AP2A2: variants seen among roughly 807,000 people sequenced by gnomAD.
AP2A2 encodes the protein AP-2 complex subunit alpha-2.
A neutral mutation model predicts 104.2 loss-of-function variants in AP2A2; 32 were observed. That is an observed-to-expected ratio of 0.31 (90% confidence interval 0.23 to 0.41). The LOEUF is 0.41. Among genes scored for constraint, AP2A2 ranks in the 10% least tolerant of loss-of-function variants. The probability of loss-of-function intolerance (pLI) is 1.00; values close to 1 mark genes in which losing one functional copy is unlikely to be tolerated. For synonymous variants in AP2A2, 539 were observed against 533.3 expected, an observed-to-expected ratio of 1.01 and a Z score of -0.15; for missense variants, 912 against 1,261.0, an observed-to-expected ratio of 0.72 and a Z score of 4.19.
In AP2A2 at chr11:1,009,227, T is replaced by G; in HGVS notation, c.2537+11T>G. The G allele has an allele frequency of 6.2e-7, 1 of 1,612,398 alleles. No homozygotes were observed. The highest frequency in any genetic ancestry group is 8.5e-7 in the Non-Finnish European group (1 of 1,178,638). ...GAAGCAGTTGAGCAAGTGAGAAACC[T>G]GTTTCCTGTAGGGGTCAGGGGTGGG... On this transcript the variant is annotated intron_variant, in intron 19 of 21. Transcript: ENST00000448903.
chr11:949,345 A>G (rs1049818198), intron 1 of AP2A2, among the ~76,000 whole-genome samples: 14 of 152,290 alleles, frequency 9.2e-5, no homozygotes, highest in South Asian at 2.1e-4. Flanking sequence ...AACTCATTCT[A>G]TAAGGCCAGT....
intron 1 of AP2A2, among the ~76,000 whole-genome samples, chr11:930,932 C>G (rs1190139611): frequency 6.6e-6 from 1 of 152,158 alleles, no homozygotes; most frequent in Non-Finnish European, 1.5e-5. Context: ...GATCGACATG[C>G]ACGTGTGTGT....
At chr11:926,153 G>GAGGCC in intron 1 of AP2A2, 65 bp downstream of exon 1, 1 of 1,129,876 alleles carries the variant, frequency 8.9e-7, no homozygotes, top group Non-Finnish European at 1.1e-6. Flanking sequence ...TCTGGGAGCG[G>GAGGCC]AGGCCCGGGG....
intron 4 of AP2A2, among the ~76,000 whole-genome samples, chr11:976,687 T>TG (rs1220874026): frequency 2.1e-5 from 3 of 145,246 alleles, no homozygotes; most frequent in Admixed American, 6.8e-5. Context: ...TGGGGCGTGG[T>TG]GGGGTGAGGG....
At chr11:998,671 G>T (rs966899893) in intron 14 of AP2A2, among the ~76,000 whole-genome samples, 1 of 152,026 alleles carries the variant, frequency 6.6e-6, no homozygotes, top group Admixed American at 6.6e-5. Flanking sequence ...TCTCCAGAAC[G>T]CTCTTAGCTG....
In AP2A2 at chr11:1,009,177, C is replaced by T. The variant is rs781145308; in HGVS notation, c.2498C>T (p.Ala833Val). The stretch of plus-strand genomic sequence containing the variant: ...AAATTCTTCCAGCCGACAGAAATGG[C>T]TTCTCAGGATTTCTTTCAACGTTGG... ...LNKFFQPTEM[A>V]SQDFFQRWKQ... Residue 833 changes from alanine to valine, a missense_variant, in exon 19 of 22, where the codon GCT becomes GTT. By Grantham distance (64) the Ala-to-Val change is moderately conservative (BLOSUM62 0). Around this residue, in one of 7 missense-constraint regions of AP2A2, gnomAD observed 239 missense variants for 329.8 expected, o/e 0.72. Coordinates refer to ENST00000448903, the MANE Select transcript of AP2A2 (RefSeq NM_012305.4). 5.0e-6 allele frequency: 8 copies of T among 1,613,676 alleles called. No homozygotes were observed. The highest frequency in any genetic ancestry group is 6.8e-6 in the Non-Finnish European group (8 of 1,179,898).
At chr11:991,143 C>A (rs541436851) in intron 10 of AP2A2, among the ~76,000 whole-genome samples, 1 of 152,192 alleles carries the variant, frequency 6.6e-6, no homozygotes, top group South Asian at 2.1e-4. Context: ...TATGGTGCTC[C>A]CCTCCATCCT....
At chr11:987,777 C>T (rs980388164) in intron 9 of AP2A2, among the ~76,000 whole-genome samples, 3 of 152,258 alleles carry the variant, frequency 2.0e-5, no homozygotes, top group African/African-American at 7.2e-5. Flanking sequence ...GGTGTGTCCA[C>T]CAAGTCCCTA....
rs115609250 is a variant in AP2A2, at chr11:934,750, G to A, written c.67+8662G>A. Among the ~76,000 whole-genome samples, 1,200 of 152,240 alleles carry A rather than the reference G, an allele frequency of 7.9e-3. 24 individuals carry two copies. Among genetic ancestry groups the A allele is most frequent in the African/African-American group, 0.028 (1,146 of 41,528 alleles). Reference sequence around the variant, plus strand: ...ATTTAGCATATCTAAAGAACTTTGAGCTCCTTAGGGCAGGCGGCACTGTAT... The same window carrying A: ...ATTTAGCATATCTAAAGAACTTTGAACTCCTTAGGGCAGGCGGCACTGTAT... On this transcript the variant is annotated intron_variant, in intron 1 of 21. Transcript: ENST00000448903.
At chr11:977,833 G>C (rs1352588484) in intron 5 of AP2A2, among the ~76,000 whole-genome samples, 1 of 152,102 alleles carries the variant, frequency 6.6e-6, no homozygotes. Flanking sequence ...GTTGGCAGGA[G>C]TGGAAGTATT....
At position 992,367 on chromosome 11, in the gene AP2A2, A is replaced by G. The variant is rs1036845994; in HGVS notation, c.1270-136A>G. The G allele has an allele frequency of 2.3e-5, 20 of 869,828 alleles. No individual in the cohort carries two copies. Among genetic ancestry groups the G allele is most frequent in the Non-Finnish European group, 3.4e-5 (19 of 551,332 alleles). The allele number at this position is 869,828 out of a possible 1,614,324, so 53.9% of individuals were successfully genotyped here. A position where few individuals can be genotyped will look rare whatever the true frequency, so the allele number is the denominator to read the frequency against. ...TGGGCTTTTTTGAGAATCGAGTTCA[A>G]GCTTCCTCCATGTCCCAAACTTTTG... On this transcript the variant is annotated intron_variant, in intron 10 of 21. Coordinates refer to ENST00000448903, the MANE Select transcript of AP2A2 (RefSeq NM_012305.4). This position sits in a 1 kb window ranked among gnomAD's most constrained non-coding sequence, Gnocchi z 6.4.
intron 9 of AP2A2, among the ~76,000 whole-genome samples, chr11:987,654 CAA>C (rs776055754): frequency 1.5e-5 from 2 of 136,798 alleles, no homozygotes; most frequent in Admixed American, 7.3e-5. Context: ...GACTCCGTCT[CAA>C]AAAAAAAAAA....
Position 926,086 on chromosome 11 carries a change from A to G in AP2A2, c.65A>G (p.Asn22Ser), listed in dbSNP as rs1195339708. 1.5e-6 allele frequency: 2 copies of G among 1,338,040 alleles called. No individual in the cohort carries two copies. Among genetic ancestry groups the G allele is most frequent in the Non-Finnish European group, 1.9e-6 (2 of 1,032,410 alleles). 82.9% of individuals were successfully genotyped at this position (1,338,040 alleles called of 1,614,324 possible). The change falls in exon 1 of 22, where the codon AAC becomes AGC. Residue 22 changes from asparagine to serine, a missense_variant and splice_region_variant. Asn to Ser is a conservative substitution (Grantham distance 46, BLOSUM62 1). Coordinates refer to ENST00000448903, the MANE Select transcript of AP2A2 (RefSeq NM_012305.4). ...GLAVFISDIR[N>S]CKSKEAEIKR... The stretch of plus-strand genomic sequence containing the variant: ...GCGGTCTTCATCTCGGATATCCGCA[A>G]CTGTGAGTGGCGGGGGCGGCGTGGG...
chr11:999,504 A>AT (rs1427509196), intron 14 of AP2A2, among the ~76,000 whole-genome samples: 5 of 152,144 alleles, frequency 3.3e-5, no homozygotes, highest in African/African-American at 1.2e-4. Context: ...CTCAAAAAAA[A>AT]CAAAAACAGA....
intron 14 of AP2A2, among the ~76,000 whole-genome samples, chr11:996,622 C>T (rs907635953): frequency 1.3e-5 from 2 of 152,054 alleles, no homozygotes; most frequent in Non-Finnish European, 1.5e-5. Flanking sequence ...GCTTCTGGAC[C>T]CTGGGAGTGA....
chr11:940,987 C>G, intron 1 of AP2A2: 1 of 452,308 alleles, frequency 2.2e-6, no homozygotes, highest in South Asian at 1.6e-5. Flanking sequence ...GTGCTGCTCT[C>G]ACGAGGCCCC....
chr11:937,193 G>A (rs1180974983), intron 1 of AP2A2, among the ~76,000 whole-genome samples: 5 of 151,812 alleles, frequency 3.3e-5, no homozygotes, highest in African/African-American at 1.2e-4. Context: ...CTAATTTTTG[G>A]ATCTTGAGTA....
rs1855695780 is a variant in AP2A2, at chr11:992,559, G to C, written c.1326G>C (p.Val442=). ...ACGCGGTGGACTACACCTGGTATGTGGATACCATCTTGAACTTGATCCGAA... is the reference window on the plus strand; with the variant it reads ...ACGCGGTGGACTACACCTGGTATGTCGATACCATCTTGAACTTGATCCGAA... The part of the protein sequence containing the change: ...EKYAVDYTWY[V]DTILNLIRIA... The change falls in exon 11 of 22, where the codon GTG becomes GTC. Residue 442 remains valine (V), a synonymous_variant. Transcript: ENST00000448903. The surrounding 1 kb of genome is among the most constrained non-coding windows in gnomAD (Gnocchi z 6.4). The C allele has an allele frequency of 6.2e-7, 1 of 1,613,118 alleles. No individual in the cohort carries two copies. Among genetic ancestry groups the C allele is most frequent in the African/African-American group, 1.3e-5 (1 of 74,922 alleles).
intron 4 of AP2A2, among the ~76,000 whole-genome samples, chr11:976,801 A>G (rs1222844479): frequency 1.3e-5 from 2 of 152,218 alleles, no homozygotes; most frequent in African/African-American, 4.8e-5. Flanking sequence ...AAGTTGTAAC[A>G]ACAACAACAA....
Sources: gnomAD v4.1 joint callset for allele counts (sites outside exome capture counted in the v4.1 genomes callset) on GRCh38, gnomAD v4.1.1 for gene constraint, gnomAD v4.1.1 regional missense constraint, Gnocchi (gnomAD v3.1) non-coding constraint, MANE v1.5 for transcripts, NCBI Gene and HGNC (gene_info 2026-07-23, HGNC 2026-07-21) for gene names.